Variants in PCDH15 observed in about 807,000 individuals in gnomAD.
PCDH15 encodes the protein protocadherin related 15, also known as protocadherin-15.
A neutral mutation model predicts 178.5 loss-of-function variants in PCDH15; 129 were observed. That is an observed-to-expected ratio of 0.72 (90% confidence interval 0.63 to 0.84). PCDH15 has a LOEUF of 0.84. Among genes scored for constraint, PCDH15 ranks in the 40% least tolerant of loss-of-function variants. The pLI, the probability that PCDH15 is intolerant of heterozygous loss-of-function variation, is 0.00. For synonymous variants in PCDH15, 800 were observed against 732.0 expected, an observed-to-expected ratio of 1.09 and a Z score of -1.50; for missense variants, 2,230 against 2,099.9, an observed-to-expected ratio of 1.06 and a Z score of -1.21.
At chr10:54,880,249 T>C (rs932634613) in intron 3 of PCDH15, among the ~76,000 whole-genome samples, 1 of 152,160 alleles carries the variant, frequency 6.6e-6, no homozygotes, top group African/African-American at 2.4e-5. Context: ...AAAACTCCTA[T>C]GGAGATGAGA....
intron 28 of PCDH15, among the ~76,000 whole-genome samples, chr10:53,855,078 T>G (rs533881675): frequency 6.6e-6 from 1 of 152,014 alleles, no homozygotes; most frequent in Non-Finnish European, 1.5e-5. Context: ...GGCATCATGA[T>G]TTGCTTGTAA....
intron 2 of PCDH15, among the ~76,000 whole-genome samples, chr10:54,604,037 T>C (rs1418413296): frequency 6.6e-6 from 1 of 150,982 alleles, no homozygotes; most frequent in South Asian, 2.1e-4. Context: ...GACCCAATGA[T>C]TGTTCAAGAG....
chr10:55,261,318 A>G (rs1424787583), intron 1 of PCDH15, among the ~76,000 whole-genome samples: 1 of 152,184 alleles, frequency 6.6e-6, no homozygotes. Context: ...TCATAATAAT[A>G]TCCCATTGAT....
At chr10:55,476,164 T>C (rs1354273937) in intron 2 of PCDH15, among the ~76,000 whole-genome samples, 1 of 152,106 alleles carries the variant, frequency 6.6e-6, no homozygotes, top group South Asian at 2.1e-4. Context: ...CTGGATTGAT[T>C]TGATTGCTAT....
chr10:54,798,490 C>T (rs550974244), intron 1 of PCDH15, among the ~76,000 whole-genome samples: 81 of 152,014 alleles, frequency 5.3e-4, no homozygotes, highest in Non-Finnish European at 8.7e-4. Context: ...ATTGTATAGT[C>T]TTATTTTGCA....
intron 1 of PCDH15, among the ~76,000 whole-genome samples, chr10:54,728,440 A>T (rs34666587): frequency 0.12 from 18,438 of 151,420 alleles, 1,256 homozygotes; most frequent in African/African-American, 0.17. Flanking sequence ...AATATACCTC[A>T]AAATATAATA....
chr10:54,169,927 A>T (rs1190686782), intron 13 of PCDH15, among the ~76,000 whole-genome samples: 1 of 150,102 alleles, frequency 6.7e-6, no homozygotes, highest in African/African-American at 2.5e-5. Context: ...TTGCCTATCC[A>T]CCCCGTGCTG....
intron 2 of PCDH15, among the ~76,000 whole-genome samples, chr10:54,577,316 T>A (rs2090585095): frequency 6.6e-6 from 1 of 150,944 alleles, no homozygotes; most frequent in Non-Finnish European, 1.5e-5. Context: ...ATAGTCTCGA[T>A]CTCCTGACCT....
chr10:54,421,915 T>C, intron 3 of PCDH15, among the ~76,000 whole-genome samples: 2 of 30,568 alleles, frequency 6.5e-5, no homozygotes, highest in East Asian at 2.9e-4. Flanking sequence ...ATATACACTA[T>C]ATATATATAT....
intron 10 of PCDH15, among the ~76,000 whole-genome samples, chr10:54,209,604 T>A (rs965377639): frequency 6.6e-5 from 10 of 152,082 alleles, no homozygotes; most frequent in Non-Finnish European, 1.5e-4. Context: ...TGTATATAGT[T>A]TGCTATATTT....
intron 2 of PCDH15, among the ~76,000 whole-genome samples, chr10:54,920,015 G>C (rs1028417773): frequency 6.6e-6 from 1 of 152,064 alleles, no homozygotes; most frequent in South Asian, 2.1e-4. Context: ...GCATAACAAG[G>C]GGGACATGTA....
chr10:55,131,418 G>T (rs913455829), intron 2 of PCDH15, among the ~76,000 whole-genome samples: 2 of 152,146 alleles, frequency 1.3e-5, no homozygotes, highest in African/African-American at 2.4e-5. Context: ...TCCCTGAAGG[G>T]CCACAGCTCT....
At chr10:54,258,957 C>A (rs1002975506) in intron 8 of PCDH15, among the ~76,000 whole-genome samples, 1 of 152,022 alleles carries the variant, frequency 6.6e-6, no homozygotes, top group Non-Finnish European at 1.5e-5. Flanking sequence ...TCAATATGAG[C>A]AAATAAGTTT....
chr10:54,022,931 T>C lies in PCDH15; in HGVS notation c.2487A>G (p.Glu829=). 6.2e-7 allele frequency: 1 copy of C among 1,613,888 alleles called. No individual in the cohort carries two copies. Among genetic ancestry groups the C allele is most frequent in the Non-Finnish European group, 8.5e-7 (1 of 1,179,838 alleles). The change falls in exon 19 of 38, where the codon GAA becomes GAG. Residue 829 remains glutamate, a synonymous_variant. Transcript: ENST00000644397. ...FTNSTYTVLV[E]ENLPAGTTIL... Reference sequence around the variant, plus strand: ...TGGTAGTCCCAGCTGGCAAATTCTCTTCAACAAGGACAGTGTATGTTGAAT... The same window carrying C: ...TGGTAGTCCCAGCTGGCAAATTCTCCTCAACAAGGACAGTGTATGTTGAAT...
At chr10:55,274,102 T>G (rs1842522556) in intron 1 of PCDH15, among the ~76,000 whole-genome samples, 1 of 152,116 alleles carries the variant, frequency 6.6e-6, no homozygotes. Context: ...AGAACATTTG[T>G]TCTAGTTGGT....
intron 2 of PCDH15, among the ~76,000 whole-genome samples, chr10:54,932,190 A>G (rs759853612): frequency 4.6e-5 from 7 of 152,206 alleles, no homozygotes; most frequent in Non-Finnish European, 7.3e-5. Flanking sequence ...AGTATTTCAG[A>G]AAAAGGCATT....
chr10:55,436,426 A>G (rs368723349), intron 2 of PCDH15, among the ~76,000 whole-genome samples: 1 of 152,160 alleles, frequency 6.6e-6, no homozygotes, highest in East Asian at 1.9e-4. Flanking sequence ...CATTTTAAAC[A>G]TTATGACATA....
chr10:54,042,109 T>C (rs2093560404), intron 18 of PCDH15, among the ~76,000 whole-genome samples: 1 of 152,104 alleles, frequency 6.6e-6, no homozygotes, highest in Admixed American at 6.6e-5. Flanking sequence ...GAGGCTCTGA[T>C]GGCACGAAGC....
rs534255804 is a variant in PCDH15, at chr10:53,822,320, C to A, written c.4368-2090G>T. ...GAAGAGGTGGTGTTGGGGGACCAGA[C>A]GTTGAAACGGAAAGTGGAAAAAATG... On this transcript the variant is annotated intron_variant, in intron 32 of 37. Coordinates refer to ENST00000644397, the MANE Select transcript of PCDH15 (RefSeq NM_001384140.1). 8.1e-6 allele frequency: 13 copies of A among 1,601,824 alleles called. No individual in the cohort carries two copies. In the South Asian group the frequency reaches 1.2e-4, roughly 15 times the overall value.
Sources: gnomAD v4.1 joint callset for allele counts (sites outside exome capture counted in the v4.1 genomes callset) on GRCh38, gnomAD v4.1.1 for gene constraint, MANE v1.5 for transcripts, NCBI Gene and HGNC (gene_info 2026-07-23, HGNC 2026-07-21) for gene names.